PTPRQ: variants seen among roughly 807,000 people sequenced by gnomAD.
PTPRQ encodes the protein protein tyrosine phosphatase receptor type Q.
A neutral mutation model predicts 246.0 loss-of-function variants in PTPRQ; 199 were observed. The observed-to-expected ratio is 0.81, with a 90% CI of 0.72 to 0.91. PTPRQ has a LOEUF of 0.91. Ranked by LOEUF, PTPRQ falls within the 40% of genes least tolerant of loss-of-function variation. The probability of loss-of-function intolerance (pLI) is 0.00; values close to 1 mark genes in which losing one functional copy is unlikely to be tolerated. For synonymous variants in PTPRQ, 869 were observed against 853.2 expected (o/e 1.02, Z -0.32); for missense variants, 2,624 against 2,528.4 (o/e 1.04, Z -0.81).
intron 25 of PTPRQ, among the ~76,000 whole-genome samples, chr12:80,577,663 A>G (rs1424004348): frequency 6.6e-6 from 1 of 152,178 alleles, no homozygotes; most frequent in East Asian, 1.9e-4. Flanking sequence ...AGTGTTTCAC[A>G]GTATGTAATT....
In PTPRQ at chr12:80,588,353, T is replaced by G. The variant is rs1897685618; in HGVS notation, c.4510T>G (p.Leu1504Val). 1 of 1,548,304 alleles carries G rather than the reference T, an allele frequency of 6.5e-7. No individual in the cohort carries two copies. The highest frequency in any genetic ancestry group is 1.2e-5 in the South Asian group (1 of 83,516). The change falls in exon 26 of 45, where the codon TTA becomes GTA. Residue 1504 changes from leucine to valine, a missense_variant. By Grantham distance (32) the Leu-to-Val change is conservative (BLOSUM62 1). Transcript: ENST00000644991. ...AHLTEETVYG[L>V]KKFRWYRFQV... Reference sequence around the variant, plus strand: ...CTTAACTGAAGAGACAGTATATGGATTAAAGAAATTTAGATGGTATAGATT... The same window carrying G: ...CTTAACTGAAGAGACAGTATATGGAGTAAAGAAATTTAGATGGTATAGATT...
At chr12:80,578,656 G>C (rs1297092526) in intron 25 of PTPRQ, among the ~76,000 whole-genome samples, 1 of 152,120 alleles carries the variant, frequency 6.6e-6, no homozygotes, top group Non-Finnish European at 1.5e-5. Context: ...GCCTCCCAAA[G>C]TGCTGGGATT....
At chr12:80,646,887 A>T (rs563578024) in intron 35 of PTPRQ, among the ~76,000 whole-genome samples, 57 of 152,314 alleles carry the variant, frequency 3.7e-4, no homozygotes, top group Middle Eastern at 3.4e-3. Flanking sequence ...TCAATTAATC[A>T]TAACTTCTGA....
intron 25 of PTPRQ, among the ~76,000 whole-genome samples, chr12:80,575,776 T>C (rs773324768): frequency 8.1e-5 from 12 of 148,536 alleles, no homozygotes; most frequent in Admixed American, 1.3e-4. Flanking sequence ...GAGGCAGAGG[T>C]TGCAGTGAGC....
chr12:80,649,593 T>A lies in PTPRQ; in HGVS notation c.5948T>A (p.Ile1983Lys). Reference sequence around the variant, plus strand: ...ATACCTTTCTTTACTTGGAGGCCAATAAGCAAGAAATCCTTCCTGCAACAT... The same window carrying A: ...ATACCTTTCTTTACTTGGAGGCCAAAAAGCAAGAAATCCTTCCTGCAACAT... ...LLSYRKSIKP[I>K]SKKSFLQHVE... The change falls in exon 37 of 45, where the codon ATA becomes AAA. Residue 1983 changes from isoleucine (I) to lysine (K), a missense_variant. Coordinates refer to ENST00000644991, the MANE Select transcript of PTPRQ (RefSeq NM_001145026.2). 2 of 1,549,512 alleles carry A rather than the reference T, an allele frequency of 1.3e-6. No homozygotes were observed. Among genetic ancestry groups the A allele is most frequent in the Non-Finnish European group, 1.7e-6 (2 of 1,145,642 alleles).
At position 80,494,939 on chromosome 12, in the gene PTPRQ, C is replaced by A. The variant is rs1894564400; in HGVS notation, c.1547C>A (p.Thr516Lys). 1 of 1,538,018 alleles carries A rather than the reference C, an allele frequency of 6.5e-7. No homozygotes were observed. The highest frequency in any genetic ancestry group is 1.4e-5 in the African/African-American group (1 of 72,424). Reference sequence around the variant, plus strand: ...TTTTACTGAATTCAAACAGTAACTACAAGGAATCAGTATATTACTGACATT... The same window carrying A: ...TTTTACTGAATTCAAACAGTAACTAAAAGGAATCAGTATATTACTGACATT... Reference protein sequence around the residue: ...AEDQTSPVVTTRNQYITDIAA... With the variant: ...AEDQTSPVVTKRNQYITDIAA... The change falls in exon 11 of 45, where the codon ACA (threonine) becomes AAA (lysine). Residue 516 changes from threonine (T) to lysine (K), a missense_variant. Physicochemically the swap from Thr to Lys is moderately conservative, Grantham distance 78 (BLOSUM62 -1). Transcript: ENST00000644991.
intron 9 of PTPRQ, among the ~76,000 whole-genome samples, chr12:80,489,563 C>T (rs778108668): frequency 4.6e-5 from 7 of 151,868 alleles, no homozygotes; most frequent in Non-Finnish European, 8.8e-5. Context: ...GCTTCTAGGT[C>T]CTTCATATCA....
chr12:80,525,115 G>C (rs2120772024), intron 17 of PTPRQ, among the ~76,000 whole-genome samples: 1 of 152,254 alleles, frequency 6.6e-6, no homozygotes, highest in African/African-American at 2.4e-5. Context: ...ACTATTTCAT[G>C]AGTCAAACCA....
At chr12:80,547,496 C>T (rs1359583080) in intron 24 of PTPRQ, among the ~76,000 whole-genome samples, 2 of 152,110 alleles carry the variant, frequency 1.3e-5, no homozygotes, top group East Asian at 3.9e-4. Context: ...TTGTAGACCA[C>T]TGACTACTAA....
At chr12:80,471,557 A>G (rs1163274757) in intron 7 of PTPRQ, among the ~76,000 whole-genome samples, 4 of 41,720 alleles carry the variant, frequency 9.6e-5, no homozygotes, top group Admixed American at 6.4e-4. Context: ...GGCTCACTGC[A>G]AGCTCCGCCT....
chr12:80,556,395 A>G (rs1214771754), intron 25 of PTPRQ, among the ~76,000 whole-genome samples: 2 of 152,150 alleles, frequency 1.3e-5, no homozygotes, highest in African/African-American at 4.8e-5. Flanking sequence ...GAAGAGTGAA[A>G]TGTGAATTGG....
At chr12:80,665,712 A>G (rs994823288) in intron 39 of PTPRQ, among the ~76,000 whole-genome samples, 1 of 151,994 alleles carries the variant, frequency 6.6e-6, no homozygotes, top group African/African-American at 2.4e-5. Context: ...CCAACAAGGG[A>G]TTAATATCCA....
At chr12:80,581,741 G>A (rs147525283) in intron 25 of PTPRQ, among the ~76,000 whole-genome samples, 3 of 151,888 alleles carry the variant, frequency 2.0e-5, no homozygotes, top group Admixed American at 1.3e-4. Flanking sequence ...TCACAAAAAG[G>A]TTATATTAAA....
chr12:80,575,420 T>TA (rs1245196091), intron 25 of PTPRQ, among the ~76,000 whole-genome samples: 1 of 151,360 alleles, frequency 6.6e-6, no homozygotes, highest in Non-Finnish European at 1.5e-5. Context: ...ATCCCGTTAG[T>TA]ACAAAAAAAA....
At chr12:80,551,361 G>A (rs551687851) in intron 25 of PTPRQ, among the ~76,000 whole-genome samples, 4 of 152,128 alleles carry the variant, frequency 2.6e-5, no homozygotes, top group South Asian at 4.2e-4. Context: ...TCTGCAATTT[G>A]CCCCTTCTCC....
intron 26 of PTPRQ, among the ~76,000 whole-genome samples, chr12:80,590,666 CAAAAAAAAAAAAAA>C (rs35640802): frequency 5.2e-5 from 3 of 57,828 alleles, no homozygotes; most frequent in African/African-American, 1.1e-4. Flanking sequence ...GACTCCGTCT[CAAAAAAAAAAAAAA>C]AAAAAAAAAA....
intron 8 of PTPRQ, among the ~76,000 whole-genome samples, chr12:80,472,934 A>G (rs1241050410): frequency 6.6e-6 from 1 of 152,120 alleles, no homozygotes; most frequent in Non-Finnish European, 1.5e-5. Context: ...GTAAATTCTT[A>G]TAACACATTA....
At chr12:80,610,405 T>A (rs951892873) in intron 27 of PTPRQ, 34 bp from the exon 28 acceptor site, 3 of 1,443,712 alleles carry the variant, frequency 2.1e-6, no homozygotes. Flanking sequence ...TTTCAAGTGC[T>A]GCTTCCTTAA....
chr12:80,593,336 T>A (rs1897864892), intron 26 of PTPRQ, among the ~76,000 whole-genome samples: 1 of 152,134 alleles, frequency 6.6e-6, no homozygotes, highest in African/African-American at 2.4e-5. Context: ...GATTATATAA[T>A]CAGAAAACAT....
Sources: gnomAD v4.1 joint callset for allele counts (sites outside exome capture counted in the v4.1 genomes callset) on GRCh38, gnomAD v4.1.1 for gene constraint, MANE v1.5 for transcripts, NCBI Gene and HGNC (gene_info 2026-07-23, HGNC 2026-07-21) for gene names.